Variants in SLC25A21 observed in about 807,000 individuals in gnomAD.
SLC25A21 encodes the protein mitochondrial 2-oxodicarboxylate carrier.
Under a neutral mutation model 43.8 loss-of-function variants are expected in SLC25A21, and 47 were observed. That is an observed-to-expected ratio of 1.07 (90% CI 0.85 to 1.37). The LOEUF is 1.37. Ranked by LOEUF, SLC25A21 falls within the 40% of genes most tolerant of loss-of-function variation. SLC25A21 has a pLI of 0.00. For missense variants in SLC25A21, 352 were observed against 350.2 expected, an observed-to-expected ratio of 1.00 and a Z score of -0.04; for synonymous variants, 131 against 121.3, an observed-to-expected ratio of 1.08 and a Z score of -0.52.
At chr14:36,743,849 T>C (rs1268986640) in intron 3 of SLC25A21, among the ~76,000 whole-genome samples, 3 of 152,152 alleles carry the variant, frequency 2.0e-5, no homozygotes, top group African/African-American at 4.8e-5. Context: ...AAAATCAACA[T>C]ACCAAAATCA....
At chr14:37,012,977 C>T (rs1960765473) in intron 1 of SLC25A21, among the ~76,000 whole-genome samples, 1 of 152,216 alleles carries the variant, frequency 6.6e-6, no homozygotes, top group South Asian at 2.1e-4. Context: ...AGCATGGTAT[C>T]AGACTTCTTT....
At chr14:36,770,817 G>T (rs1371849808) in intron 3 of SLC25A21, among the ~76,000 whole-genome samples, 2 of 152,110 alleles carry the variant, frequency 1.3e-5, no homozygotes, top group African/African-American at 4.8e-5. Flanking sequence ...ATTATGTTAT[G>T]TGTATAATCA....
Position 36,679,504 on chromosome 14 carries a change from C to G in SLC25A21, c.*1154G>C. ...TGACTTTACTGAATCAGCATCATCT[C>G]TGGATGCAGATATAAAATCAAGTTT... On this transcript the variant is annotated 3_prime_UTR_variant, in exon 10 of 10. Coordinates refer to ENST00000331299, the MANE Select transcript of SLC25A21 (RefSeq NM_030631.4). 1.0e-6 allele frequency: 1 copy of G among 985,378 alleles called. No individual in the cohort carries two copies. The highest frequency in any genetic ancestry group is 1.2e-6 in the Non-Finnish European group (1 of 829,890). 61.0% of individuals were successfully genotyped at this position (985,378 alleles called of 1,614,324 possible).
At chr14:36,937,736 C>T (rs1892459664) in intron 1 of SLC25A21, among the ~76,000 whole-genome samples, 1 of 152,226 alleles carries the variant, frequency 6.6e-6, no homozygotes, top group African/African-American at 2.4e-5. Context: ...ATCAGCCACA[C>T]AGGGAGCCAG....
At chr14:36,909,609 T>C (rs902660191) in intron 1 of SLC25A21, among the ~76,000 whole-genome samples, 1 of 152,126 alleles carries the variant, frequency 6.6e-6, no homozygotes, top group African/African-American at 2.4e-5. Flanking sequence ...AATTCATGGG[T>C]TTTTCTTCTC....
At chr14:36,907,670 G>C (rs1891572741) in intron 1 of SLC25A21, among the ~76,000 whole-genome samples, 6 of 152,124 alleles carry the variant, frequency 3.9e-5, no homozygotes, top group Admixed American at 3.9e-4. Context: ...CCAAGCATCA[G>C]ATGGAACTAA....
chr14:37,107,037 A>G (rs560072488), intron 1 of SLC25A21, among the ~76,000 whole-genome samples: 2 of 152,354 alleles, frequency 1.3e-5, no homozygotes, highest in African/African-American at 4.8e-5. Flanking sequence ...TAGATATTCA[A>G]AATTCAAAGT....
intron 1 of SLC25A21, among the ~76,000 whole-genome samples, chr14:36,949,163 T>A (rs1447030529): frequency 6.6e-6 from 1 of 152,206 alleles, no homozygotes; most frequent in Non-Finnish European, 1.5e-5. Flanking sequence ...AAAAGAGAGA[T>A]AATGACTTGT....
intron 1 of SLC25A21, among the ~76,000 whole-genome samples, chr14:36,965,657 T>C (rs949414052): frequency 6.6e-6 from 1 of 152,166 alleles, no homozygotes; most frequent in Non-Finnish European, 1.5e-5. Flanking sequence ...CTGGAGTGAG[T>C]TCAATATTTC....
intron 7 of SLC25A21, among the ~76,000 whole-genome samples, chr14:36,708,960 G>A (rs768913531): frequency 6.6e-6 from 1 of 151,712 alleles, no homozygotes; most frequent in Non-Finnish European, 1.5e-5. Context: ...GTTTGTGCTT[G>A]TGGATTTTCT....
intron 1 of SLC25A21, among the ~76,000 whole-genome samples, chr14:37,166,496 C>T (rs1964032510): frequency 6.6e-6 from 1 of 152,222 alleles, no homozygotes; most frequent in Admixed American, 6.5e-5. Flanking sequence ...TTCCCCTGCG[C>T]ATCAGTTTCT....
At position 37,114,788 on chromosome 14, in the gene SLC25A21, C is replaced by CG. The variant is rs145974273; in HGVS notation, c.70+57492dup. Among the ~76,000 whole-genome samples, 2,847 of 150,632 alleles carry CG rather than the reference C, an allele frequency of 0.019. 182 individuals carry two copies. The East Asian group carries it at 0.26, about 14-fold the overall frequency. On this transcript the variant is annotated intron_variant, in intron 1 of 9. Transcript: ENST00000331299. ...GTGGTGCAGAGAGTCATTTTTATGG[C>CG]GGGGGGGGAATTGGTGGTTTTCATT...
rs548006680 is a variant in SLC25A21, at chr14:37,115,233, A to T, written c.70+57048T>A. ...ACACACCATAATGAAGACCAGGCCC[A>T]GGAGGGCAGCACCGCCAAGGTCCCA... On this transcript the variant is annotated intron_variant, in intron 1 of 9. Transcript: ENST00000331299. 4.6e-5 allele frequency among the ~76,000 whole-genome samples: 7 copies of T among 152,294 alleles called. No individual in the cohort carries two copies. The East Asian group carries it at 1.4e-3, about 30-fold the overall frequency.
chr14:36,831,143 C>T (rs1889025271), intron 2 of SLC25A21, among the ~76,000 whole-genome samples: 1 of 152,076 alleles, frequency 6.6e-6, no homozygotes, highest in Non-Finnish European at 1.5e-5. Flanking sequence ...CTGCACTGTC[C>T]AACATGGCAG....
At chr14:37,098,694 C>T (rs755213713) in intron 1 of SLC25A21, 12 of 149,202 alleles carry the variant, frequency 8.0e-5, no homozygotes, top group South Asian at 4.2e-4. Flanking sequence ...CCTTATAGGA[C>T]GATTAGATAG....
intron 7 of SLC25A21, 74 bp downstream of exon 7, chr14:36,711,244 T>A (rs777803634): frequency 1.4e-6 from 2 of 1,405,006 alleles, no homozygotes; most frequent in Non-Finnish European, 2.0e-6. Flanking sequence ...CAGGACAGGA[T>A]AAACATTCTA....
rs565657912 is a variant in SLC25A21, at chr14:36,981,027, T to G, written c.71-106023A>C. Among the ~76,000 whole-genome samples, 2,318 of 150,770 alleles carry G rather than the reference T, an allele frequency of 0.015. 129 individuals carry two copies. The East Asian group carries it at 0.21, about 13-fold the overall frequency. ...CAAACCCATCAAAAAGTGGGCAAAG[T>G]ATATGAACAGACACTTCTCAAAAGA... On this transcript the variant is annotated intron_variant, in intron 1 of 9. Transcript: ENST00000331299.
At chr14:36,870,861 AC>A (rs1033729209) in intron 2 of SLC25A21, 11 of 152,212 alleles carry the variant, frequency 7.2e-5, no homozygotes, top group African/African-American at 2.4e-4. Context: ...TACCTATGGC[AC>A]ACTGACACCA....
intron 1 of SLC25A21, chr14:37,097,016 T>TGG (rs57305513): frequency 6.8e-6 from 1 of 147,404 alleles, no homozygotes; most frequent in African/African-American, 2.6e-5. Context: ...TTCAAAGGGC[T>TGG]GGTTTTTTTT....
Sources: allele counts gnomAD v4.1 joint callset (sites outside exome capture counted in the v4.1 genomes callset), GRCh38; gene constraint gnomAD v4.1.1; transcripts MANE v1.5; gene names NCBI Gene and HGNC (gene_info 2026-07-23, HGNC 2026-07-21).